The following CCDC150 variants were observed in gnomAD, a reference collection of about 807,000 sequenced individuals.
The protein encoded by CCDC150 is coiled-coil domain containing 150, also known as coiled-coil domain-containing protein 150.
In CCDC150, 151 loss-of-function variants were observed where a neutral mutation model predicts 156.5. The observed-to-expected ratio is 0.97, with a 90% CI of 0.85 to 1.10. The LOEUF is 1.10. Among genes scored for constraint, CCDC150 ranks in the 50% least tolerant of loss-of-function variants. The pLI, the probability that CCDC150 is intolerant of heterozygous loss-of-function variation, is 0.00. For missense variants in CCDC150, 1,312 were observed against 1,268.1 expected, an observed-to-expected ratio of 1.03 and a Z score of -0.53; for synonymous variants, 452 against 429.4, an observed-to-expected ratio of 1.05 and a Z score of -0.65.
At chr2:196,667,526 G>A (rs1021741890) in intron 7 of CCDC150, 1 of 152,746 alleles carries the variant, frequency 6.5e-6, no homozygotes, top group African/African-American at 2.4e-5. Flanking sequence ...AGAGTTACAG[G>A]GCAGTGCTTC....
intron 13 of CCDC150, among the ~76,000 whole-genome samples, chr2:196,689,299 G>C (rs917033669): frequency 1.3e-5 from 2 of 152,148 alleles, no homozygotes; most frequent in African/African-American, 4.8e-5. Flanking sequence ...TTGGTAGCTT[G>C]ATGGGGATGG....
At chr2:196,726,142 A>C (rs1323464560) in intron 22 of CCDC150, 43 bp downstream of exon 22, 9 of 1,604,442 alleles carry the variant, frequency 5.6e-6, no homozygotes, top group Non-Finnish European at 7.7e-6. Flanking sequence ...AATGCCTCTT[A>C]GGATAAGCAG....
intron 13 of CCDC150, among the ~76,000 whole-genome samples, chr2:196,683,308 G>A (rs1036197814): frequency 6.6e-6 from 1 of 151,968 alleles, no homozygotes; most frequent in Non-Finnish European, 1.5e-5. Context: ...TATTACTATG[G>A]TGTATTACAG....
intron 5 of CCDC150, among the ~76,000 whole-genome samples, chr2:196,661,626 G>A (rs1171836359): frequency 6.6e-6 from 1 of 152,030 alleles, no homozygotes; most frequent in Non-Finnish European, 1.5e-5. Context: ...TATGACAGAG[G>A]GTTATATACA....
intron 5 of CCDC150, among the ~76,000 whole-genome samples, chr2:196,662,912 G>A (rs1461409825): frequency 6.6e-6 from 1 of 151,978 alleles, no homozygotes; most frequent in Non-Finnish European, 1.5e-5. Context: ...CTGGGCCACA[G>A]AGTGAGATCC....
Position 196,665,651 on chromosome 2 carries a change from A to G in CCDC150, c.730A>G (p.Met244Val), listed in dbSNP as rs749977575. 2.7e-5 allele frequency: 43 copies of G among 1,601,690 alleles called. No homozygotes were observed. The highest frequency in any genetic ancestry group is 3.5e-5 in the Non-Finnish European group (41 of 1,174,066). The change falls in exon 6 of 28, where the codon ATG (methionine) becomes GTG (valine). Residue 244 changes from methionine to valine, a missense_variant. By Grantham distance (21) the Met-to-Val change is conservative. Coordinates refer to ENST00000389175, the MANE Select transcript of CCDC150 (RefSeq NM_001080539.2). ...AGCCATGCTCCTCAAAATACAAGAAATGGGATCAACAGTGGAGGTAGAACG... is the reference window on the plus strand; with the variant it reads ...AGCCATGCTCCTCAAAATACAAGAAGTGGGATCAACAGTGGAGGTAGAACG... Reference protein sequence around the residue: ...ASAMLLKIQEMGSTVEVERKQ... With the variant: ...ASAMLLKIQEVGSTVEVERKQ...
At chr2:196,666,176 A>G (rs574826895) in intron 6 of CCDC150, among the ~76,000 whole-genome samples, 1 of 152,238 alleles carries the variant, frequency 6.6e-6, no homozygotes, top group Admixed American at 6.5e-5. Flanking sequence ...ATTTATTTTA[A>G]CATGATATTT....
intron 23 of CCDC150, 151 bp downstream of exon 23, chr2:196,729,538 GGAGTC>G: frequency 1.4e-6 from 1 of 736,756 alleles, no homozygotes; most frequent in Non-Finnish European, 2.3e-6. Flanking sequence ...CTTTTTCAGT[GGAGTC>G]ACTGCTGTGT....
At chr2:196,687,353 C>A (rs556639818) in intron 13 of CCDC150, among the ~76,000 whole-genome samples, 2 of 152,276 alleles carry the variant, frequency 1.3e-5, no homozygotes, top group African/African-American at 4.8e-5. Flanking sequence ...TTTTGATTTA[C>A]ATTTCTCTGA....
intron 2 of CCDC150, 105 bp downstream of exon 2, chr2:196,646,609 G>T: frequency 1.2e-6 from 1 of 822,526 alleles, no homozygotes; most frequent in East Asian, 2.6e-5. Flanking sequence ...AAAGAACTGA[G>T]AAATAATTTT....
intron 4 of CCDC150, among the ~76,000 whole-genome samples, chr2:196,657,684 C>T (rs1479272756): frequency 1.3e-5 from 2 of 152,058 alleles, no homozygotes; most frequent in African/African-American, 4.8e-5. Flanking sequence ...AGAATAAGGA[C>T]TACTTGGAAA....
intron 13 of CCDC150, among the ~76,000 whole-genome samples, chr2:196,693,169 C>A (rs1345847301): frequency 6.6e-6 from 1 of 152,030 alleles, no homozygotes; most frequent in African/African-American, 2.4e-5. Flanking sequence ...TTGGTAGATT[C>A]TCCTCCATTA....
intron 27 of CCDC150, 140 bp from the exon 28 acceptor site, chr2:196,732,306 C>A: frequency 8.6e-7 from 1 of 1,156,516 alleles, no homozygotes; most frequent in Non-Finnish European, 1.2e-6. Flanking sequence ...CTTTTTTTTA[C>A]AAAGTTCCAC....
chr2:196,671,304 A>G (rs562912202), intron 8 of CCDC150, among the ~76,000 whole-genome samples: 11 of 152,180 alleles, frequency 7.2e-5, no homozygotes, highest in Non-Finnish European at 1.5e-4. Flanking sequence ...CCAGAATGCC[A>G]TATAGTTGGA....
At chr2:196,658,656 A>G (rs557380307) in intron 4 of CCDC150, 136 bp from the exon 5 acceptor site, 1 of 589,514 alleles carries the variant, frequency 1.7e-6, no homozygotes, top group South Asian at 2.2e-5. Flanking sequence ...GACTTATAAC[A>G]AGGAGTATTT....
chr2:196,732,336 T>A lies in CCDC150; in HGVS notation c.3190-110T>A, dbSNP rs1480025847. ...TTCCACCTGTCACAAACTTTTTAGA[T>A]TAGAATCACTTGTCTTCATGAATAG... On this transcript the variant is annotated intron_variant, in intron 27 of 27. Coordinates refer to ENST00000389175, the MANE Select transcript of CCDC150 (RefSeq NM_001080539.2). The A allele has an allele frequency of 3.6e-6, 4 of 1,113,326 alleles. No homozygotes were observed. In the Admixed American group the frequency reaches 8.4e-5, roughly 23 times the overall value. The allele number at this position is 1,113,326 out of a possible 1,614,324, so 69.0% of individuals were successfully genotyped here. A position where few individuals can be genotyped will look rare whatever the true frequency, so the allele number is the denominator to read the frequency against.
intron 9 of CCDC150, among the ~76,000 whole-genome samples, chr2:196,674,014 G>A (rs1694354662): frequency 6.6e-6 from 1 of 152,184 alleles, no homozygotes; most frequent in East Asian, 1.9e-4. Context: ...ATATGCTTCA[G>A]TTGCTCTACC....
Position 196,732,443 on chromosome 2 carries a change from C to A in CCDC150, c.3190-3C>A. 6 of 1,607,174 alleles carry A rather than the reference C, an allele frequency of 3.7e-6. No homozygotes were observed. Among genetic ancestry groups the A allele is most frequent in the Non-Finnish European group, 5.1e-6 (6 of 1,174,190 alleles). On this transcript the variant is annotated splice_polypyrimidine_tract_variant and splice_region_variant and intron_variant, in intron 27 of 27. Transcript: ENST00000389175. ...AGTGTTAGGTGTGTTTTCTTTCCAA[C>A]AGGACCAAGATGTAAAACATGATGT...
At chr2:196,706,120 C>G (rs1039199156) in intron 15 of CCDC150, among the ~76,000 whole-genome samples, 1 of 152,188 alleles carries the variant, frequency 6.6e-6, no homozygotes, top group African/African-American at 2.4e-5. Flanking sequence ...CTATAAATTA[C>G]CTTGGGCAGT....
Sources: allele counts gnomAD v4.1 joint callset (sites outside exome capture counted in the v4.1 genomes callset), GRCh38; gene constraint gnomAD v4.1.1; transcripts MANE v1.5; gene names NCBI Gene and HGNC (gene_info 2026-07-23, HGNC 2026-07-21).